The following GRXCR2 variants were observed in gnomAD, a reference collection of about 807,000 sequenced individuals.
GRXCR2 encodes the protein glutaredoxin domain-containing cysteine-rich protein 2.
In GRXCR2, 23 loss-of-function variants were observed where a neutral mutation model predicts 24.8. The ratio of observed to expected loss-of-function variants is 0.93; its 90% CI spans 0.67 to 1.32. The LOEUF is 1.32. GRXCR2 is among the 40% of genes most tolerant of loss of function. The probability of loss-of-function intolerance (pLI) is 0.00; values close to 1 mark genes in which losing one functional copy is unlikely to be tolerated. For synonymous variants in GRXCR2, 130 were observed against 116.1 expected, an observed-to-expected ratio of 1.12 and a Z score of -0.77; for missense variants, 315 against 303.4, an observed-to-expected ratio of 1.04 and a Z score of -0.28.
intron 2 of GRXCR2, among the ~76,000 whole-genome samples, chr5:145,879,748 C>T (rs1436167223): frequency 1.3e-5 from 2 of 152,184 alleles, no homozygotes; most frequent in African/African-American, 2.4e-5. Flanking sequence ...ACAGAATATA[C>T]ATTCTTCTCA....
chr5:145,894,592 C>G (rs1190240964), intron 2 of GRXCR2, among the ~76,000 whole-genome samples: 5 of 152,032 alleles, frequency 3.3e-5, no homozygotes, highest in Non-Finnish European at 5.9e-5. Context: ...GGAAGAAGTT[C>G]AATCTCTGAA....
At chr5:145,928,616 G>A (rs1208322245) in intron 2 of GRXCR2, among the ~76,000 whole-genome samples, 1 of 152,072 alleles carries the variant, frequency 6.6e-6, no homozygotes, top group African/African-American at 2.4e-5. Context: ...CACGGATGAA[G>A]CTGGAAACCA....
At chr5:145,888,417 G>T (rs1287919887) in intron 2 of GRXCR2, among the ~76,000 whole-genome samples, 9 of 152,166 alleles carry the variant, frequency 5.9e-5, no homozygotes, top group Non-Finnish European at 1.2e-4. Context: ...TAGGGATCGG[G>T]CCAAGTGGGC....
At chr5:145,924,095 T>G (rs893256427) in intron 2 of GRXCR2, among the ~76,000 whole-genome samples, 3 of 151,894 alleles carry the variant, frequency 2.0e-5, no homozygotes, top group African/African-American at 7.3e-5. Flanking sequence ...GTTTGGAGAG[T>G]GGCATGGAGA....
chr5:145,919,757 A>T (rs973428041), intron 2 of GRXCR2, among the ~76,000 whole-genome samples: 5 of 152,108 alleles, frequency 3.3e-5, no homozygotes, highest in East Asian at 1.9e-4. Context: ...CTCAGGGGGA[A>T]GATCCATCCT....
intron 2 of GRXCR2, among the ~76,000 whole-genome samples, chr5:145,904,982 C>T (rs753759739): frequency 6.6e-6 from 1 of 152,136 alleles, no homozygotes; most frequent in African/African-American, 2.4e-5. Flanking sequence ...CCGCATGCAC[C>T]GTGACTTATC....
intron 2 of GRXCR2, among the ~76,000 whole-genome samples, chr5:145,890,631 A>C (rs142288841): frequency 6.6e-6 from 1 of 152,344 alleles, no homozygotes; most frequent in East Asian, 1.9e-4. Context: ...AGTTTTAAAC[A>C]TGGAAGCAAA....
At chr5:145,927,856 T>C (rs1413029939) in intron 2 of GRXCR2, among the ~76,000 whole-genome samples, 1 of 152,054 alleles carries the variant, frequency 6.6e-6, no homozygotes, top group South Asian at 2.1e-4. Context: ...GCACTTCATG[T>C]CTAAAACACC....
chr5:145,869,486 A>G (rs1425613426), intron 1 of GRXCR2, among the ~76,000 whole-genome samples: 1 of 152,094 alleles, frequency 6.6e-6, no homozygotes, highest in Admixed American at 6.5e-5. Context: ...CGTTATTACA[A>G]TGGTGGGTAA....
intron 2 of GRXCR2, among the ~76,000 whole-genome samples, chr5:145,882,084 C>A (rs1473157979): frequency 1.3e-5 from 2 of 152,142 alleles, no homozygotes; most frequent in African/African-American, 4.8e-5. Context: ...AAAACCCAGG[C>A]AATACCATTC....
In GRXCR2 at chr5:145,879,317, C is replaced by T. The variant is rs560335086; in HGVS notation, c.-69-12589G>A. The stretch of plus-strand genomic sequence containing the variant: ...GAGACCCATCTCACGTGCAGAGACA[C>T]ACATAGGCTCAAAATAAAGGGATGG... On this transcript the variant is annotated intron_variant, in intron 2 of 3. Transcript: ENST00000639411. Among the ~76,000 whole-genome samples the T allele has an allele frequency of 2.5e-4, 37 of 145,106 alleles. No homozygotes were observed. The East Asian group carries it at 6.7e-3, about 26-fold the overall frequency.
chr5:145,902,702 C>T (rs745583495), intron 2 of GRXCR2, among the ~76,000 whole-genome samples: 1 of 152,170 alleles, frequency 6.6e-6, no homozygotes, highest in Non-Finnish European at 1.5e-5. Context: ...ATTCATCCTG[C>T]TCACCAATTA....
At chr5:145,928,466 C>T (rs566914050) in intron 2 of GRXCR2, among the ~76,000 whole-genome samples, 25 of 152,056 alleles carry the variant, frequency 1.6e-4, no homozygotes, top group East Asian at 7.7e-4. Context: ...ATGTTTATTG[C>T]GGCACTATTC....
In GRXCR2 at chr5:145,892,134, C is replaced by T. The variant is rs12521613; in HGVS notation, c.-69-25406G>A. ...CATCCACACCAAAACCCCATCTGTA[C>T]GTCACCATCATCAAAGACCAAAGGT... On this transcript the variant is annotated intron_variant, in intron 2 of 3. Coordinates refer to the GRXCR2 transcript ENST00000639411. 5.3e-3 allele frequency among the ~76,000 whole-genome samples: 806 copies of T among 152,152 alleles called. 15 individuals are homozygous for T. Among genetic ancestry groups the T allele is most frequent in the Admixed American group, 0.04 (615 of 15,272 alleles).
At chr5:145,917,016 A>G (rs1757250763) in intron 2 of GRXCR2, among the ~76,000 whole-genome samples, 1 of 151,958 alleles carries the variant, frequency 6.6e-6, no homozygotes, top group Non-Finnish European at 1.5e-5. Flanking sequence ...ATGCATTTCA[A>G]CCCTAATAAC....
At chr5:145,913,381 A>G (rs910245821) in intron 2 of GRXCR2, among the ~76,000 whole-genome samples, 7 of 152,162 alleles carry the variant, frequency 4.6e-5, no homozygotes, top group Non-Finnish European at 7.3e-5. Flanking sequence ...GATAAGGGGG[A>G]AAGAGTGGGC....
intron 2 of GRXCR2, among the ~76,000 whole-genome samples, chr5:145,920,970 C>A (rs1000143645): frequency 2.0e-5 from 3 of 152,240 alleles, no homozygotes; most frequent in Non-Finnish European, 4.4e-5. Context: ...AATCTGTCAG[C>A]CCACTGATCT....
chr5:145,897,799 C>A (rs1374265184), intron 2 of GRXCR2, among the ~76,000 whole-genome samples: 1 of 152,078 alleles, frequency 6.6e-6, no homozygotes, highest in Non-Finnish European at 1.5e-5. Context: ...ATACCAAAAT[C>A]TCTGGGATGC....
At chr5:145,895,821 C>T (rs1207621666) in intron 2 of GRXCR2, among the ~76,000 whole-genome samples, 1 of 152,160 alleles carries the variant, frequency 6.6e-6, no homozygotes, top group African/African-American at 2.4e-5. Flanking sequence ...CCTGCATTGC[C>T]AAGTCAATCC....
Sources: gnomAD v4.1 joint callset for allele counts (sites outside exome capture counted in the v4.1 genomes callset) on GRCh38, gnomAD v4.1.1 for gene constraint, MANE v1.5 for transcripts, NCBI Gene and HGNC (gene_info 2026-07-23, HGNC 2026-07-21) for gene names.